Variants in RDH8 observed in about 807,000 individuals in gnomAD.
RDH8 encodes retinol dehydrogenase 8.
RDH8 carries 14 observed loss-of-function variants against 22.3 expected under a neutral mutation model. That is an observed-to-expected ratio of 0.63 (90% CI 0.42 to 0.98). The LOEUF (loss-of-function observed/expected upper bound fraction) is 0.98. RDH8 is among the 50% of genes least tolerant of loss of function. RDH8 has a pLI of 0.00. For synonymous variants in RDH8, 175 were observed against 171.7 expected (o/e 1.02, Z -0.15); for missense variants, 389 against 409.8 (o/e 0.95, Z 0.44).
chr19:10,015,070 T>C (rs1456546896), intron 1 of RDH8, among the ~76,000 whole-genome samples: 1 of 151,986 alleles, frequency 6.6e-6, no homozygotes, highest in East Asian at 1.9e-4. Flanking sequence ...TGTTCATGGG[T>C]GATTATGGGT....
chr19:10,021,602 G>T lies in RDH8; in HGVS notation c.789G>T (p.Pro263=). The stretch of plus-strand genomic sequence containing the variant: ...GACAGACCAACATCCGCTACTCGCC[G>T]CTGACCACGCTCAAAACCGTGGATT... ...LRRQTNIRYS[P]LTTLKTVDSS... The change falls in exon 6 of 6, where the codon CCG becomes CCT. Residue 263 remains proline (P), a synonymous_variant. Transcript: ENST00000591589. 2 of 1,613,980 alleles carry T rather than the reference G, an allele frequency of 1.2e-6. No homozygotes were observed. Among genetic ancestry groups the T allele is most frequent in the Non-Finnish European group, 1.7e-6 (2 of 1,179,952 alleles).
At chr19:10,016,357 A>G (rs1204480561) in intron 1 of RDH8, among the ~76,000 whole-genome samples, 1 of 145,242 alleles carries the variant, frequency 6.9e-6, no homozygotes, top group Non-Finnish European at 1.5e-5. Context: ...GGGTTTCACC[A>G]TGTTAGCCAG....
At chr19:10,021,081 G>A (rs183919115) in intron 4 of RDH8, 174 bp from the exon 5 acceptor site, 25 of 660,220 alleles carry the variant, frequency 3.8e-5, no homozygotes, top group African/African-American at 1.3e-4. Context: ...AGGCTGAGGC[G>A]GAGGATTGTT....
Position 10,021,525 on chromosome 19 carries a change from A to C in RDH8, c.721-9A>C. ...CTGGGTCCCAGCGCTCAGGGCCTCC[A>C]TTCTGCAGGCCATTGTCAACGTCAT... On this transcript the variant is annotated splice_polypyrimidine_tract_variant and intron_variant, in intron 5 of 5. Transcript: ENST00000591589. The C allele has an allele frequency of 6.2e-7, 1 of 1,614,092 alleles. No homozygotes were observed. The highest frequency in any genetic ancestry group is 8.5e-7 in the Non-Finnish European group (1 of 1,180,020).
Position 10,017,046 on chromosome 19 carries a change from C to T in RDH8, c.104-11C>T, listed in dbSNP as rs2145166008. The T allele has an allele frequency of 6.5e-7, 1 of 1,542,778 alleles. No individual in the cohort carries two copies. ...TCAGTGCCTGTCCCTGCTTTACTCT[C>T]TGCCCCGCAGTCGTGGCCACCATGA... is the stretch of plus-strand genomic sequence containing the variant. On this transcript the variant is annotated splice_polypyrimidine_tract_variant and intron_variant, in intron 1 of 5. Transcript: ENST00000591589.
intron 2 of RDH8, 74 bp from the exon 3 acceptor site, chr19:10,018,657 C>T: frequency 2.4e-6 from 3 of 1,261,558 alleles, no homozygotes; most frequent in Non-Finnish European, 3.3e-6. Flanking sequence ...GGGTGAGGTG[C>T]TTCAGGGAGT....
intron 1 of RDH8, among the ~76,000 whole-genome samples, chr19:10,015,754 C>A (rs988008672): frequency 6.6e-6 from 1 of 151,828 alleles, no homozygotes; most frequent in African/African-American, 2.4e-5. Context: ...ACCAGGCTGA[C>A]CAATATGGTG....
intron 1 of RDH8, 76 bp downstream of exon 1, chr19:10,013,676 C>G: frequency 6.7e-7 from 1 of 1,487,408 alleles, no homozygotes; most frequent in South Asian, 1.2e-5. Context: ...CTACCCATCC[C>G]TCCCAGCTGC....
intron 4 of RDH8, 117 bp downstream of exon 4, chr19:10,020,919 T>C (rs1390107394): frequency 2.3e-5 from 18 of 776,850 alleles, no homozygotes; most frequent in Non-Finnish European, 3.6e-5. Flanking sequence ...CACCTGTAAG[T>C]CCAGCGTTTT....
At chr19:10,019,401 T>C (rs1174649736) in intron 3 of RDH8, among the ~76,000 whole-genome samples, 1 of 152,082 alleles carries the variant, frequency 6.6e-6, no homozygotes, top group African/African-American at 2.4e-5. Context: ...GACTCACGTC[T>C]ATAATCCCAG....
rs1235133736 is a variant in RDH8 at position 10,020,354 on chromosome 19, GAGGGAGGA to G, written c.443-351_443-344del. On this transcript the variant is annotated intron_variant, in intron 3 of 5. Transcript: ENST00000591589. ...AGAAGGAAGGAAGGAGGGAGGGAGG[GAGGGAGGA>G]AGGAAGGAAGGGAGGGAGGAAGAGA... Among the ~76,000 whole-genome samples the G allele has an allele frequency of 4.2e-4, 49 of 117,340 alleles. 1 individual carries two copies. The highest frequency in any genetic ancestry group is 7.3e-4 in the African/African-American group (26 of 35,736). 77.0% of individuals were successfully genotyped at this position (117,340 alleles called of 152,430 possible). A position where few individuals can be genotyped will look rare whatever the true frequency, so the allele number is the denominator to read the frequency against.
chr19:10,014,789 G>A (rs1333961202), intron 1 of RDH8, among the ~76,000 whole-genome samples: 1 of 152,072 alleles, frequency 6.6e-6, no homozygotes, highest in Non-Finnish European at 1.5e-5. Flanking sequence ...TGCCTGCCTG[G>A]GCCTCCCAAA....
intron 1 of RDH8, 145 bp downstream of exon 1, chr19:10,013,745 A>G: frequency 2.4e-6 from 2 of 817,710 alleles, no homozygotes; most frequent in East Asian, 2.7e-5. Flanking sequence ...CATCCTAGAA[A>G]TATTTCTTGA....
chr19:10,018,692 G>A, intron 2 of RDH8, 39 bp from the exon 3 acceptor site: 1 of 1,514,398 alleles, frequency 6.6e-7, no homozygotes, highest in Non-Finnish European at 9.0e-7. Flanking sequence ...CTAGAAGAGT[G>A]AGGGACTTTA....
chr19:10,015,967 T>A (rs2431818), intron 1 of RDH8, among the ~76,000 whole-genome samples: 92,938 of 148,136 alleles, frequency 0.63, 30,529 homozygotes, highest in Non-Finnish European at 0.73. Context: ...AAAAAAAAAA[T>A]ATATATATAT....
chr19:10,018,759 G>T lies in RDH8; in HGVS notation c.291G>T (p.Gly97=). 2 of 1,611,980 alleles carry T rather than the reference G, an allele frequency of 1.2e-6. No homozygotes were observed. The highest frequency in any genetic ancestry group is 1.7e-6 in the Non-Finnish European group (2 of 1,178,678). The change falls in exon 3 of 6, where the codon GGG becomes GGT. Residue 97 remains glycine (G), a synonymous_variant. Transcript: ENST00000591589. ...LVNNAGMGLV[G]PLEGLSLAAM... is the part of the protein sequence containing the mutation. Reference sequence around the variant, plus strand: ...ATAATGCTGGAATGGGCCTGGTGGGGCCCCTGGAGGGGCTCAGCCTTGCTG... The same window carrying T: ...ATAATGCTGGAATGGGCCTGGTGGGTCCCCTGGAGGGGCTCAGCCTTGCTG...
intron 2 of RDH8, among the ~76,000 whole-genome samples, chr19:10,018,069 C>T (rs2087633272): frequency 6.6e-6 from 1 of 152,080 alleles, no homozygotes; most frequent in Non-Finnish European, 1.5e-5. Context: ...CCTCAGCCTC[C>T]CAAGTAGCTG....
chr19:10,014,634 G>A (rs941930549), intron 1 of RDH8, among the ~76,000 whole-genome samples: 15 of 152,064 alleles, frequency 9.9e-5, no homozygotes, highest in Admixed American at 7.9e-4. Flanking sequence ...CACTTCCCAC[G>A]TTCAAGTGAT....
At position 10,020,191 on chromosome 19, in the gene RDH8, A is replaced by G. The variant is rs560541829; in HGVS notation, c.443-518A>G. ...CTAGTGTGTGCCTGTAGTCCCAGTT[A>G]CTCAGGAAGCTGAAGTGGGAGGATC... On this transcript the variant is annotated intron_variant, in intron 3 of 5. Coordinates refer to ENST00000591589, the MANE Select transcript of RDH8 (RefSeq NM_015725.4). Among the ~76,000 whole-genome samples the G allele has an allele frequency of 9.9e-5, 15 of 152,106 alleles. No individual in the cohort carries two copies. In the East Asian group the frequency reaches 2.5e-3, roughly 25 times the overall value.
Sources: allele counts gnomAD v4.1 joint callset (sites outside exome capture counted in the v4.1 genomes callset), GRCh38; gene constraint gnomAD v4.1.1; transcripts MANE v1.5; gene names NCBI Gene and HGNC (gene_info 2026-07-23, HGNC 2026-07-21).